CFAP44: variants seen among roughly 807,000 people sequenced by gnomAD.
CFAP44 encodes the protein cilia- and flagella-associated protein 44.
CFAP44 carries 134 observed loss-of-function variants against 216.2 expected under a neutral mutation model. The ratio of observed to expected loss-of-function variants is 0.62; its 90% CI spans 0.54 to 0.72. The LOEUF (loss-of-function observed/expected upper bound fraction) is 0.72, where lower values mean the gene tolerates loss of function less well. Among genes scored for constraint, CFAP44 ranks in the 30% least tolerant of loss-of-function variants. The pLI is 0.00. For synonymous variants in CFAP44, 700 were observed against 727.6 expected, an observed-to-expected ratio of 0.96 and a Z score of 0.61; for missense variants, 2,035 against 2,182.1, an observed-to-expected ratio of 0.93 and a Z score of 1.34.
chr3:113,349,707 C>T (rs577536111), intron 22 of CFAP44, among the ~76,000 whole-genome samples: 5 of 152,282 alleles, frequency 3.3e-5, no homozygotes, highest in South Asian at 2.1e-4. Context: ...TGAGGGCTCC[C>T]GGGGCAAGTG....
At chr3:113,342,149 G>A (rs1559916923) in intron 23 of CFAP44, among the ~76,000 whole-genome samples, 5 of 151,682 alleles carry the variant, frequency 3.3e-5, no homozygotes, top group South Asian at 2.1e-4. Flanking sequence ...CCTGGGCAAC[G>A]TGGTGAAACC....
In CFAP44 at chr3:113,308,285, G is replaced by T. The variant is rs745673128; in HGVS notation, c.4517-17C>A. The T allele has an allele frequency of 1.2e-4, 185 of 1,492,124 alleles. No homozygotes were observed. The highest frequency in any genetic ancestry group is 1.6e-4 in the Non-Finnish European group (175 of 1,124,920). The allele number at this position is 1,492,124 out of a possible 1,614,324, so 92.4% of individuals were successfully genotyped here. A position where few individuals can be genotyped will look rare whatever the true frequency, so the allele number is the denominator to read the frequency against. The stretch of plus-strand genomic sequence containing the variant: ...CATCTTCATCTATGGAAAGAGGAGG[G>T]CATTGTTAACAAAGAAGCTTCTATA... On this transcript the variant is annotated splice_polypyrimidine_tract_variant and intron_variant, in intron 28 of 34. Transcript: ENST00000393845.
At chr3:113,429,626 A>G (rs553133286) in intron 2 of CFAP44, among the ~76,000 whole-genome samples, 1 of 152,250 alleles carries the variant, frequency 6.6e-6, no homozygotes, top group South Asian at 2.1e-4. Flanking sequence ...TAATGTAATT[A>G]TTGATATGGT....
chr3:113,414,436 C>G (rs1250812318), intron 6 of CFAP44, among the ~76,000 whole-genome samples: 1 of 152,092 alleles, frequency 6.6e-6, no homozygotes, highest in Non-Finnish European at 1.5e-5. Flanking sequence ...TTGTCTTGTA[C>G]CAGTTTTCAA....
chr3:113,391,652 T>C (rs1933842617), intron 15 of CFAP44, among the ~76,000 whole-genome samples: 1 of 152,116 alleles, frequency 6.6e-6, no homozygotes, highest in African/African-American at 2.4e-5. Context: ...AAATTATCCA[T>C]CTGACAAGGA....
intron 6 of CFAP44, among the ~76,000 whole-genome samples, chr3:113,411,142 T>C (rs967427235): frequency 1.3e-5 from 2 of 152,190 alleles, no homozygotes; most frequent in African/African-American, 4.8e-5. Flanking sequence ...AGAAGCTCTT[T>C]AGTTTAATTA....
chr3:113,308,551 T>G (rs1444587616), intron 28 of CFAP44, among the ~76,000 whole-genome samples: 1 of 152,154 alleles, frequency 6.6e-6, no homozygotes, highest in African/African-American at 2.4e-5. Context: ...TCCTAACTCA[T>G]AAGATGCTCT....
chr3:113,410,811 T>G (rs1412998653), intron 6 of CFAP44, among the ~76,000 whole-genome samples: 1 of 152,204 alleles, frequency 6.6e-6, no homozygotes, highest in Non-Finnish European at 1.5e-5. Context: ...CAGCATCTGT[T>G]GTTTCCTGAC....
chr3:113,303,475 C>T (rs1047781279), intron 32 of CFAP44, among the ~76,000 whole-genome samples: 6 of 152,056 alleles, frequency 3.9e-5, no homozygotes, highest in Non-Finnish European at 7.4e-5. Flanking sequence ...TATCATTTTG[C>T]ACAGTTAAAA....
chr3:113,381,303 C>A (rs1332617172), intron 15 of CFAP44, among the ~76,000 whole-genome samples: 3 of 152,116 alleles, frequency 2.0e-5, no homozygotes, highest in African/African-American at 4.8e-5. Flanking sequence ...ATTAGATTTA[C>A]ATTTGGTTCC....
intron 18 of CFAP44, among the ~76,000 whole-genome samples, chr3:113,369,211 C>T (rs1412749613): frequency 3.9e-5 from 6 of 152,194 alleles, no homozygotes; most frequent in African/African-American, 7.2e-5. Flanking sequence ...AGGATTTCAA[C>T]TCAGCTCTGC....
At chr3:113,292,530 G>A (rs1242106546) in intron 34 of CFAP44, among the ~76,000 whole-genome samples, 3 of 152,206 alleles carry the variant, frequency 2.0e-5, no homozygotes, top group Non-Finnish European at 4.4e-5. Flanking sequence ...TACTTGCGTG[G>A]TGCCCACTTT....
At chr3:113,326,420 T>A (rs1356624522) in intron 28 of CFAP44, 25 bp downstream of exon 28, 2 of 1,470,392 alleles carry the variant, frequency 1.4e-6, no homozygotes, top group Non-Finnish European at 1.8e-6. Context: ...GAAAATAAGA[T>A]CATATGCAAG....
intron 34 of CFAP44, chr3:113,294,140 T>TGTGTTAG: frequency 2.3e-6 from 1 of 444,094 alleles, no homozygotes; most frequent in East Asian, 7.0e-5. Flanking sequence ...ATGCTATACA[T>TGTGTTAG]GTGTTAGGTT....
chr3:113,341,996 C>T, intron 23 of CFAP44, 78 bp from the exon 24 acceptor site: 1 of 1,406,090 alleles, frequency 7.1e-7, no homozygotes, highest in Non-Finnish European at 9.3e-7. Flanking sequence ...TAACCTGCTG[C>T]ATTAGAAAAA....
At chr3:113,365,911 G>T in intron 19 of CFAP44, 128 bp downstream of exon 19, 1 of 1,007,044 alleles carries the variant, frequency 9.9e-7, no homozygotes. Context: ...TATAATAGTA[G>T]CAGGAAGATT....
chr3:113,422,542 C>G (rs11923005), intron 4 of CFAP44, among the ~76,000 whole-genome samples: 37,697 of 152,018 alleles, frequency 0.25, 5,408 homozygotes, highest in East Asian at 0.58. Flanking sequence ...ATTTAATAAA[C>G]ACATAAATGC....
At chr3:113,309,845 T>C (rs1417917803) in intron 28 of CFAP44, among the ~76,000 whole-genome samples, 1 of 152,132 alleles carries the variant, frequency 6.6e-6, no homozygotes, top group Non-Finnish European at 1.5e-5. Context: ...GAAGAATAAG[T>C]TGGCAGCCTA....
chr3:113,420,814 T>C (rs77481613), intron 4 of CFAP44, among the ~76,000 whole-genome samples: 5,281 of 152,318 alleles, frequency 0.035, 306 homozygotes, highest in African/African-American at 0.12. Flanking sequence ...ATTTAATTCA[T>C]ATCAACAAAT....
Sources: allele counts gnomAD v4.1 joint callset (sites outside exome capture counted in the v4.1 genomes callset), GRCh38; gene constraint gnomAD v4.1.1; transcripts MANE v1.5; gene names NCBI Gene and HGNC (gene_info 2026-07-23, HGNC 2026-07-21).